The following FUT8 variants were observed in gnomAD, a reference collection of about 807,000 sequenced individuals.
The protein encoded by FUT8 is fucosyltransferase 8.
Under a neutral mutation model 71.3 loss-of-function variants are expected in FUT8, and 29 were observed. The ratio of observed to expected loss-of-function variants is 0.41; its 90% CI spans 0.30 to 0.55. FUT8 has a LOEUF of 0.55. FUT8 is among the 20% of genes least tolerant of loss of function. The pLI is 0.34. For missense variants in FUT8, 544 were observed against 702.1 expected (o/e 0.77, Z 2.55); for synonymous variants, 254 against 239.3 (o/e 1.06, Z -0.57).
chr14:65,608,791 A>G (rs1229419008), intron 3 of FUT8, among the ~76,000 whole-genome samples: 2 of 151,974 alleles, frequency 1.3e-5, no homozygotes, highest in Admixed American at 6.6e-5. Context: ...CTATATAGCT[A>G]TTGCTGCAGC....
chr14:65,508,880 T>G (rs191915864), intron 2 of FUT8, among the ~76,000 whole-genome samples: 178 of 151,788 alleles, frequency 1.2e-3, no homozygotes, highest in African/African-American at 3.8e-3. Flanking sequence ...CTGTGGGTTG[T>G]TTGTTTGTTG....
intron 3 of FUT8, among the ~76,000 whole-genome samples, chr14:65,612,607 G>C (rs1393822492): frequency 6.6e-6 from 1 of 152,050 alleles, no homozygotes; most frequent in East Asian, 1.9e-4. Context: ...ACTCTGTCTT[G>C]GTCTTTTTAG....
At chr14:65,419,838 A>G (rs2065267961) in intron 1 of FUT8, among the ~76,000 whole-genome samples, 1 of 152,182 alleles carries the variant, frequency 6.6e-6, no homozygotes. Flanking sequence ...AGCGTGAGAA[A>G]TGTAGATGTA....
chr14:65,674,771 A>T (rs1423420066), intron 7 of FUT8, among the ~76,000 whole-genome samples: 8 of 152,332 alleles, frequency 5.3e-5, no homozygotes, highest in African/African-American at 1.7e-4. Flanking sequence ...CTGTGTAATT[A>T]GTGAAACTGG....
intron 2 of FUT8, among the ~76,000 whole-genome samples, chr14:65,532,075 T>G (rs565062706): frequency 5.9e-5 from 9 of 152,190 alleles, no homozygotes; most frequent in Non-Finnish European, 1.3e-4. Context: ...AGTGCTTCTG[T>G]GAACGTAGGC....
At chr14:65,631,652 T>A (rs78419698) in intron 6 of FUT8, among the ~76,000 whole-genome samples, 8 of 147,100 alleles carry the variant, frequency 5.4e-5, no homozygotes, top group South Asian at 2.2e-4. Flanking sequence ...TTTTTTTTTT[T>A]AATTTTCAAG....
intron 1 of FUT8, among the ~76,000 whole-genome samples, chr14:65,434,531 A>G (rs2065526220): frequency 6.6e-6 from 1 of 152,244 alleles, no homozygotes; most frequent in Non-Finnish European, 1.5e-5. Flanking sequence ...TGAAGTAGCA[A>G]AAACAATGTA....
At chr14:65,431,890 A>C (rs771034948) in intron 1 of FUT8, among the ~76,000 whole-genome samples, 28 of 152,096 alleles carry the variant, frequency 1.8e-4, no homozygotes, top group Non-Finnish European at 3.4e-4. Context: ...CCTAGCAACA[A>C]TTTAATGGCT....
At position 65,425,863 on chromosome 14, in the gene FUT8, G is replaced by A. The variant is rs546667299; in HGVS notation, c.-326+12649G>A. ...GTGGTGGCGGGCCCCTGTAATCCTAGGTATTTGGGAGTCTGAGGCAGGAGA... is the reference window on the plus strand; with the variant it reads ...GTGGTGGCGGGCCCCTGTAATCCTAAGTATTTGGGAGTCTGAGGCAGGAGA... On this transcript the variant is annotated intron_variant, in intron 1 of 10. Transcript: ENST00000673929. Among the ~76,000 whole-genome samples the A allele has an allele frequency of 3.9e-5, 6 of 151,984 alleles. No homozygotes were observed. The East Asian group carries it at 1.2e-3, about 29-fold the overall frequency.
the FUT8 span, among the ~76,000 whole-genome samples, chr14:65,366,461 G>A: frequency 2.6e-5 from 4 of 152,042 alleles, no homozygotes; most frequent in Admixed American, 6.6e-5. Context: ...GTTTTTTGGC[G>A]GAGAAAAGAA....
chr14:65,415,518 G>A (rs951122147), intron 1 of FUT8, among the ~76,000 whole-genome samples: 14 of 152,016 alleles, frequency 9.2e-5, no homozygotes, highest in African/African-American at 3.1e-4. Context: ...AGAATCTAAG[G>A]CATGTATTCT....
At chr14:65,532,064 T>C (rs578162765) in intron 2 of FUT8, among the ~76,000 whole-genome samples, 28 of 152,306 alleles carry the variant, frequency 1.8e-4, no homozygotes, top group African/African-American at 6.0e-4. Flanking sequence ...CTATTGCAAA[T>C]AGTGCTTCTG....
rs148895368 is a variant in FUT8, at chr14:65,721,645, CT to C, written c.836-127del. ...TATTTCGAGCAAGTTATTTAACTTC[CT>C]TTGTAAAGTGAAGATTATACTTCTT... On this transcript the variant is annotated intron_variant, in intron 7 of 10. Transcript: ENST00000673929. The C allele has an allele frequency of 0.074, 69,566 of 943,970 alleles. 2,961 individuals carry two copies. Among genetic ancestry groups the C allele is most frequent in the Admixed American group, 0.11 (5,058 of 45,110 alleles). The allele number at this position is 943,970 out of a possible 1,614,324, so 58.5% of individuals were successfully genotyped here. A position where few individuals can be genotyped will look rare whatever the true frequency, so the allele number is the denominator to read the frequency against.
intron 3 of FUT8, among the ~76,000 whole-genome samples, chr14:65,562,762 G>A (rs1229380282): frequency 1.3e-5 from 2 of 152,038 alleles, no homozygotes; most frequent in East Asian, 1.9e-4. Flanking sequence ...AGTAGAAAGT[G>A]GAAACATCCA....
chr14:65,368,773 C>T, the FUT8 span, among the ~76,000 whole-genome samples: 2 of 152,032 alleles, frequency 1.3e-5, no homozygotes, highest in African/African-American at 2.4e-5. Context: ...CGCCCCGCCT[C>T]GGCCTCTCAA....
At chr14:65,439,988 A>ATG (rs1566748306) in intron 1 of FUT8, among the ~76,000 whole-genome samples, 2 of 138,164 alleles carry the variant, frequency 1.4e-5, no homozygotes, top group African/African-American at 2.8e-5. Context: ...ATATATATAT[A>ATG]TATGTACACA....
chr14:65,705,402 A>G (rs1187635200), intron 7 of FUT8, among the ~76,000 whole-genome samples: 1 of 152,144 alleles, frequency 6.6e-6, no homozygotes, highest in African/African-American at 2.4e-5. Context: ...GACCTTACAC[A>G]TTTCTGTGTT....
intron 1 of FUT8, among the ~76,000 whole-genome samples, chr14:65,421,999 T>A (rs1404246169): frequency 6.6e-6 from 1 of 152,122 alleles, no homozygotes; most frequent in African/African-American, 2.4e-5. Flanking sequence ...CTTTCTGTAG[T>A]GTACTGTGTC....
At chr14:65,511,551 C>T in intron 2 of FUT8, among the ~76,000 whole-genome samples, 2 of 152,192 alleles carry the variant, frequency 1.3e-5, no homozygotes, top group South Asian at 4.1e-4. Flanking sequence ...ATAATATTTG[C>T]TTTATATATC....
Sources: gnomAD v4.1 joint callset for allele counts (sites outside exome capture counted in the v4.1 genomes callset) on GRCh38, gnomAD v4.1.1 for gene constraint, MANE v1.5 for transcripts, NCBI Gene and HGNC (gene_info 2026-07-23, HGNC 2026-07-21) for gene names.